Variants in PCDHGA8 observed in about 807,000 individuals in gnomAD.
The protein encoded by PCDHGA8 is protocadherin gamma subfamily A, 8.
A neutral mutation model predicts 59.2 loss-of-function variants in PCDHGA8; 45 were observed. The ratio of observed to expected loss-of-function variants is 0.76; its 90% CI spans 0.60 to 0.98. PCDHGA8 has a LOEUF of 0.98. Ranked by LOEUF, PCDHGA8 falls within the 50% of genes least tolerant of loss-of-function variation. The pLI, the probability that PCDHGA8 is intolerant of heterozygous loss-of-function variation, is 0.00. For synonymous variants in PCDHGA8, 531 were observed against 519.0 expected (o/e 1.02, Z -0.32); for missense variants, 1,257 against 1,196.2 (o/e 1.05, Z -0.75).
chr5:141,418,862 G>C (rs749632113), intron 1 of PCDHGA8: 1 of 1,613,994 alleles, frequency 6.2e-7, no homozygotes, highest in Non-Finnish European at 8.5e-7. Context: ...TAAAGTAATT[G>C]TAGAAGTTGT....
chr5:141,510,847 A>C (rs1279701390), intron 3 of PCDHGA8, 100 bp from the exon 4 acceptor site: 1 of 1,595,232 alleles, frequency 6.3e-7, no homozygotes, highest in Non-Finnish European at 8.6e-7. Context: ...GTCAAGGCCC[A>C]GGGTGCTGTA....
chr5:141,405,351 C>G, intron 1 of PCDHGA8: 1 of 1,614,080 alleles, frequency 6.2e-7, no homozygotes, highest in Non-Finnish European at 8.5e-7. Flanking sequence ...TCCAAGTTTC[C>G]TATAGAAGAC....
At chr5:141,501,583 T>C (rs1270487304) in intron 2 of PCDHGA8, among the ~76,000 whole-genome samples, 1 of 152,054 alleles carries the variant, frequency 6.6e-6, no homozygotes, top group Non-Finnish European at 1.5e-5. Context: ...GGCTTTCAGG[T>C]TGCAACTCTA....
rs1591227595 is a variant in PCDHGA8 at position 141,432,858 on chromosome 5, T to C, written c.2424+37621T>C. ...TACCTGGTGGTAGCGGTGGCCGCGG[T>C]CTCCTGCGTCTTCCTGGCCTTCGTC... On this transcript the variant is annotated intron_variant, in intron 1 of 3. Coordinates refer to ENST00000398604, the MANE Select transcript of PCDHGA8 (RefSeq NM_032088.2). This position sits in a 1 kb window ranked among gnomAD's most constrained non-coding sequence, Gnocchi z 6.0. The C allele has an allele frequency of 1.2e-6, 2 of 1,614,140 alleles. No individual in the cohort carries two copies. Among genetic ancestry groups the C allele is most frequent in the Non-Finnish European group, 8.5e-7 (1 of 1,179,996 alleles).
At chr5:141,503,263 C>T (rs2099818883) in intron 2 of PCDHGA8, among the ~76,000 whole-genome samples, 2 of 152,212 alleles carry the variant, frequency 1.3e-5, no homozygotes, top group South Asian at 4.2e-4. Context: ...GCCACAACCC[C>T]AGCACCTGGC....
chr5:141,396,804 G>A lies in PCDHGA8; in HGVS notation c.2424+1567G>A, dbSNP rs189942396. On this transcript the variant is annotated intron_variant, in intron 1 of 3. Coordinates refer to ENST00000398604, the MANE Select transcript of PCDHGA8 (RefSeq NM_032088.2). ...AAGGACATTTCCTAAGGATTGTGTA[G>A]TGTTCTACTGTATGGTGCATATTCA... Among the ~76,000 whole-genome samples the A allele has an allele frequency of 2.8e-4, 42 of 152,300 alleles. 1 individual carries two copies. The highest frequency in any genetic ancestry group is 9.6e-4 in the African/African-American group (40 of 41,552).
chr5:141,458,694 C>T (rs905547768), intron 1 of PCDHGA8, among the ~76,000 whole-genome samples: 3 of 152,018 alleles, frequency 2.0e-5, no homozygotes, highest in Non-Finnish European at 2.9e-5. Flanking sequence ...CTCAGCCTCC[C>T]GAGTAGCTGG....
At chr5:141,404,812 GC>G in intron 1 of PCDHGA8, 1 of 1,611,168 alleles carries the variant, frequency 6.2e-7, no homozygotes, top group African/African-American at 1.4e-5. Context: ...TCTCGGTGGG[GC>G]TGCACACAGG....
In PCDHGA8 at chr5:141,477,250, C is replaced by G; in HGVS notation, c.2425-17557C>G. 6.2e-7 allele frequency: 1 copy of G among 1,614,190 alleles called. No homozygotes were observed. The highest frequency in any genetic ancestry group is 8.5e-7 in the Non-Finnish European group (1 of 1,180,040). On this transcript the variant is annotated intron_variant, in intron 1 of 3. Coordinates refer to ENST00000398604, the MANE Select transcript of PCDHGA8 (RefSeq NM_032088.2). The surrounding 1 kb of genome is among the most constrained non-coding windows in gnomAD (Gnocchi z 4.9). ...TCATCGCTTTGCTCAGTGTGACTGA[C>G]CTGGATGCTGGCGAGAACGGGCTGG...
intron 1 of PCDHGA8, chr5:141,427,746 T>A: frequency 7.9e-7 from 1 of 1,272,038 alleles, no homozygotes; most frequent in African/African-American, 1.5e-5. Flanking sequence ...AGTCTCCTAC[T>A]CCATCGTTAC....
chr5:141,475,761 T>C (rs1430719406), intron 1 of PCDHGA8, among the ~76,000 whole-genome samples: 3 of 152,248 alleles, frequency 2.0e-5, no homozygotes, highest in Admixed American at 6.5e-5. Flanking sequence ...GCACCGATAC[T>C]GGCAAGGCGC....
At position 141,450,045 on chromosome 5, in the gene PCDHGA8, C is replaced by T. The variant is rs369046547; in HGVS notation, c.2425-44762C>T. On this transcript the variant is annotated intron_variant, in intron 1 of 3. Transcript: ENST00000398604. Reference sequence around the variant, plus strand: ...TTTTTGAGACAGGGTCTCACTCTTTCGCCCAGGCTGGAATGCAGTGGTATG... The same window carrying T: ...TTTTTGAGACAGGGTCTCACTCTTTTGCCCAGGCTGGAATGCAGTGGTATG... 4.6e-5 allele frequency among the ~76,000 whole-genome samples: 6 copies of T among 129,508 alleles called. No individual in the cohort carries two copies. In the South Asian group the frequency reaches 9.6e-4, roughly 21 times the overall value. 85.0% of individuals were successfully genotyped at this position (129,508 alleles called of 152,430 possible).
chr5:141,416,699 T>C (rs1232694721), intron 1 of PCDHGA8: 1 of 152,092 alleles, frequency 6.6e-6, no homozygotes, highest in Non-Finnish European at 1.5e-5. Context: ...AAACAAAGGA[T>C]CATTGGAGGT....
intron 1 of PCDHGA8, chr5:141,428,284 G>A (rs762469333): frequency 4.2e-5 from 31 of 734,822 alleles, no homozygotes. Flanking sequence ...TGATTCCCAA[G>A]CAAAGCTGCA....
intron 1 of PCDHGA8, chr5:141,428,156 C>A: frequency 6.3e-7 from 1 of 1,579,884 alleles, no homozygotes; most frequent in Non-Finnish European, 8.6e-7. Context: ...CGGGAACCTG[C>A]TGGTTGCTGT....
In PCDHGA8 at chr5:141,393,518, A is replaced by C; in HGVS notation, c.705A>C (p.Thr235=). Residue 235 remains threonine (T), a synonymous_variant, in exon 1 of 4, where the codon ACA becomes ACC. Coordinates refer to ENST00000398604, the MANE Select transcript of PCDHGA8 (RefSeq NM_032088.2). ...TVRIHVTVLD[T]NDNAPVFPHP... Reference sequence around the variant, plus strand: ...GCATCCACGTGACAGTGTTGGATACAAATGACAATGCCCCGGTTTTTCCTC... The same window carrying C: ...GCATCCACGTGACAGTGTTGGATACCAATGACAATGCCCCGGTTTTTCCTC... The C allele has an allele frequency of 6.2e-7, 1 of 1,614,030 alleles. No homozygotes were observed. Among genetic ancestry groups the C allele is most frequent in the Non-Finnish European group, 8.5e-7 (1 of 1,179,908 alleles).
At chr5:141,428,493 T>G in intron 1 of PCDHGA8, 1 of 307,146 alleles carries the variant, frequency 3.3e-6, no homozygotes, top group Non-Finnish European at 6.3e-6. Context: ...GCAATCTGTA[T>G]GTTCCCTCGG....
At position 141,485,184 on chromosome 5, in the gene PCDHGA8, A is replaced by G. The variant is rs1415940980; in HGVS notation, c.2425-9623A>G. ...TAGCGGGCGGCAGCAATGCTCCGCA[A>G]GGTGAGAAGCTGGACAGAAATCTGG... On this transcript the variant is annotated intron_variant, in intron 1 of 3. Transcript: ENST00000398604. This position sits in a 1 kb window ranked among gnomAD's most constrained non-coding sequence, Gnocchi z 5.7. The G allele has an allele frequency of 6.2e-7, 1 of 1,613,152 alleles. No individual in the cohort carries two copies. The highest frequency in any genetic ancestry group is 1.3e-5 in the African/African-American group (1 of 74,938).
chr5:141,409,912 C>T (rs775668669), intron 1 of PCDHGA8: 5 of 1,613,180 alleles, frequency 3.1e-6, no homozygotes, highest in Non-Finnish European at 2.5e-6. Context: ...TGGGTCCTGA[C>T]GGCTCCGCGT....
Sources: allele counts gnomAD v4.1 joint callset (sites outside exome capture counted in the v4.1 genomes callset), GRCh38; gene constraint gnomAD v4.1.1; non-coding constraint Gnocchi (gnomAD v3.1); transcripts MANE v1.5; gene names NCBI Gene and HGNC (gene_info 2026-07-23, HGNC 2026-07-21).